The following B9D1 variants were observed in gnomAD, a reference collection of about 807,000 sequenced individuals.
B9D1 encodes the protein B9 domain-containing protein 1.
A neutral mutation model predicts 26.1 loss-of-function variants in B9D1; 20 were observed. The observed-to-expected ratio is 0.77, with a 90% CI of 0.54 to 1.12. The LOEUF (loss-of-function observed/expected upper bound fraction) is 1.12, where lower values mean the gene tolerates loss of function less well. Ranked by LOEUF, B9D1 falls within the 50% of genes most tolerant of loss-of-function variation. The pLI is 0.00. For missense variants in B9D1, 260 were observed against 273.7 expected (o/e 0.95, Z 0.35); for synonymous variants, 105 against 103.1 (o/e 1.02, Z -0.11).
chr17:19,369,909 G>A (rs1049548912), intron 1 of B9D1, among the ~76,000 whole-genome samples: 2 of 152,076 alleles, frequency 1.3e-5, no homozygotes, highest in African/African-American at 4.8e-5. Flanking sequence ...TTCCTACCTA[G>A]TGCCCCGCCA....
chr17:19,351,196 A>G (rs1909557107), intron 3 of B9D1, among the ~76,000 whole-genome samples: 1 of 152,066 alleles, frequency 6.6e-6, no homozygotes, highest in Non-Finnish European at 1.5e-5. Context: ...GGGTCTTGCT[A>G]CGTTGCCCAG....
chr17:19,358,039 G>A (rs1910583542), intron 2 of B9D1, 88 bp from the exon 3 acceptor site: 1 of 970,592 alleles, frequency 1.0e-6, no homozygotes. Context: ...GCAGTTGGGA[G>A]GGCTGTTTTC....
At chr17:19,342,080 G>A (rs1411166915), downstream of B9D1, among the ~76,000 whole-genome samples, 1 of 152,192 alleles carries the variant, frequency 6.6e-6, no homozygotes, top group Non-Finnish European at 1.5e-5. Context: ...TGTTCCAAGT[G>A]AGGAGGTTGA....
chr17:19,341,876 G>A (rs1908006163), downstream of B9D1, among the ~76,000 whole-genome samples: 1 of 152,186 alleles, frequency 6.6e-6, no homozygotes, highest in Non-Finnish European at 1.5e-5. Flanking sequence ...AGGAAAGAGG[G>A]GCTGATGGTT....
rs1488312784 is a variant in B9D1 at position 19,359,868 on chromosome 17, C to T, written c.132+452G>A. 6.6e-6 allele frequency among the ~76,000 whole-genome samples: 1 copy of T among 152,246 alleles called. No homozygotes were observed. The highest frequency in any genetic ancestry group is 2.4e-5 in the African/African-American group (1 of 41,462). On this transcript the variant is annotated intron_variant, in intron 2 of 6. Transcript: ENST00000261499. This position sits in a 1 kb window ranked among gnomAD's most constrained non-coding sequence, Gnocchi z 5.0. ...TGCAAACAGCAGAGCACAGAGCGGG[C>T]TGAAGTTGTCACCACAGTCCCTCAC...
chr17:19,362,369 G>C (rs1293607382), intron 1 of B9D1, 138 bp downstream of exon 1: 2 of 638,848 alleles, frequency 3.1e-6, no homozygotes, highest in Non-Finnish European at 2.6e-6. Flanking sequence ...TCCAATGCTG[G>C]CTCCCCTCCC....
chr17:19,375,354 C>T (rs1912057232), intron 1 of B9D1, among the ~76,000 whole-genome samples: 1 of 151,754 alleles, frequency 6.6e-6, no homozygotes, highest in Non-Finnish European at 1.5e-5. Context: ...CCAAAGGAGA[C>T]AAATGGCCAA....
downstream of B9D1, among the ~76,000 whole-genome samples, chr17:19,336,992 GC>G (rs1242652057): frequency 1.3e-5 from 2 of 152,214 alleles, no homozygotes; most frequent in Non-Finnish European, 2.9e-5. Flanking sequence ...TTCTGTGTCC[GC>G]CCTCTTAATG....
intron 1 of B9D1, among the ~76,000 whole-genome samples, chr17:19,361,084 G>T (rs1911000307): frequency 1.3e-5 from 2 of 151,990 alleles, no homozygotes; most frequent in African/African-American, 2.4e-5. Context: ...GGGGGATCTA[G>T]GTTGCATGTT....
rs1910828035 is a variant in B9D1, at chr17:19,359,949, C to G, written c.132+371G>C. On this transcript the variant is annotated intron_variant, in intron 2 of 6. Coordinates refer to ENST00000261499, the MANE Select transcript of B9D1 (RefSeq NM_015681.6). The surrounding 1 kb of genome is among the most constrained non-coding windows in gnomAD (Gnocchi z 5.0). ...CCTGGAAGGAGAGCTCCTACTCTGT[C>G]TTTTTACTCCAGGTCCTCCCCACTG... 6.6e-6 allele frequency among the ~76,000 whole-genome samples: 1 copy of G among 152,204 alleles called. No individual in the cohort carries two copies. The highest frequency in any genetic ancestry group is 1.5e-5 in the Non-Finnish European group (1 of 68,028).
chr17:19,337,993 GTCT>G (rs1242174671), downstream of B9D1, among the ~76,000 whole-genome samples: 6 of 152,340 alleles, frequency 3.9e-5, no homozygotes, highest in South Asian at 2.1e-4. Context: ...AGTTATTTCA[GTCT>G]TCTTCTCAAA....
chr17:19,335,363 A>T (rs866631087), downstream of B9D1: 89 of 1,540,972 alleles, frequency 5.8e-5, no homozygotes, highest in Middle Eastern at 3.4e-4. Flanking sequence ...TATGAATGTG[A>T]CTCACCAATT....
downstream of B9D1, chr17:19,335,263 T>C (rs1303169445): frequency 7.9e-6 from 6 of 763,718 alleles, no homozygotes; most frequent in Admixed American, 6.3e-5. Context: ...ACTAAACTGA[T>C]TGACTTTCAG....
At chr17:19,336,242 G>A (rs1446107677), downstream of B9D1, 5 of 152,276 alleles carry the variant, frequency 3.3e-5, no homozygotes, top group Admixed American at 2.0e-4. Context: ...GGCTGGTCTC[G>A]TCTGCCGGGG....
At chr17:19,362,803 T>G, upstream of B9D1, 1 of 1,275,268 alleles carries the variant, frequency 7.8e-7, no homozygotes, top group Non-Finnish European at 1.1e-6. Context: ...CACCCCTCCT[T>G]AGGGCAGGTA....
intron 1 of B9D1, among the ~76,000 whole-genome samples, chr17:19,361,747 AAAT>A (rs1284999072): frequency 2.0e-5 from 3 of 152,170 alleles, no homozygotes; most frequent in Non-Finnish European, 2.9e-5. Flanking sequence ...TAATATTATA[AAAT>A]AATAATAAAC....
upstream of B9D1, chr17:19,362,845 G>C (rs1453963319): frequency 2.5e-6 from 2 of 807,548 alleles, no homozygotes; most frequent in African/African-American, 3.4e-5. Flanking sequence ...GCGTTGACCT[G>C]TCGGGTAAAG....
downstream of B9D1, chr17:19,335,818 AC>A (rs531704557): frequency 1.8e-4 from 35 of 193,806 alleles, no homozygotes; most frequent in Admixed American, 1.5e-3. Context: ...CACCTCACCC[AC>A]CACTGTAAAA....
At chr17:19,337,726 T>C (rs1045367073), downstream of B9D1, 3 of 1,534,950 alleles carry the variant, frequency 2.0e-6, no homozygotes, top group African/African-American at 4.1e-5. Context: ...ACTGCTATCT[T>C]TGACAGACAG....
Sources: allele counts gnomAD v4.1 joint callset (sites outside exome capture counted in the v4.1 genomes callset), GRCh38; gene constraint gnomAD v4.1.1; non-coding constraint Gnocchi (gnomAD v3.1); transcripts MANE v1.5; gene names NCBI Gene and HGNC (gene_info 2026-07-23, HGNC 2026-07-21).